The following PTPRD variants were observed in gnomAD, a reference collection of about 807,000 sequenced individuals.
PTPRD encodes the protein protein tyrosine phosphatase receptor type D.
In PTPRD, 34 loss-of-function variants were observed where a neutral mutation model predicts 214.5. The ratio of observed to expected loss-of-function variants is 0.16; its 90% CI spans 0.12 to 0.21. PTPRD has a LOEUF of 0.21. Ranked by LOEUF, PTPRD falls within the 10% of genes least tolerant of loss-of-function variation. The pLI is 1.00. For missense variants in PTPRD, 2,545 were observed against 2,398.7 expected (o/e 1.06, Z -1.27); for synonymous variants, 1,128 against 845.7 (o/e 1.33, Z -5.79).
At chr9:9,500,418 A>G (rs2096370009) in intron 8 of PTPRD, among the ~76,000 whole-genome samples, 1 of 152,090 alleles carries the variant, frequency 6.6e-6, no homozygotes, top group African/African-American at 2.4e-5. Context: ...AATTTTCCTG[A>G]TAGCAGTACA....
intron 2 of PTPRD, among the ~76,000 whole-genome samples, chr9:10,359,372 C>T (rs754288709): frequency 7.2e-5 from 11 of 152,098 alleles, no homozygotes; most frequent in Non-Finnish European, 1.5e-4. Flanking sequence ...CCCAGTTTTA[C>T]TCCCCAGTTG....
At chr9:9,016,423 T>C (rs1569415034) in intron 11 of PTPRD, among the ~76,000 whole-genome samples, 1 of 152,138 alleles carries the variant, frequency 6.6e-6, no homozygotes, top group Non-Finnish European at 1.5e-5. Context: ...ATGAGAATCA[T>C]CCAAAAATGG....
chr9:9,781,067 G>A (rs1279217470), intron 5 of PTPRD, among the ~76,000 whole-genome samples: 1 of 152,152 alleles, frequency 6.6e-6, no homozygotes, highest in African/African-American at 2.4e-5. Context: ...AGCACAGGGG[G>A]TTTTCAGGGC....
intron 5 of PTPRD, among the ~76,000 whole-genome samples, chr9:9,833,474 C>G (rs367597203): frequency 6.0e-5 from 9 of 150,684 alleles, no homozygotes; most frequent in African/African-American, 2.2e-4. Flanking sequence ...ACCACAGGAC[C>G]GAGGCGAAAT....
intron 2 of PTPRD, among the ~76,000 whole-genome samples, chr9:10,379,887 T>A (rs537360539): frequency 5.9e-5 from 9 of 152,068 alleles, no homozygotes; most frequent in Non-Finnish European, 1.2e-4. Flanking sequence ...AGTTAATGTA[T>A]TTTATTTCTA....
At chr9:8,622,200 C>T (rs1274011688) in intron 14 of PTPRD, among the ~76,000 whole-genome samples, 1 of 151,890 alleles carries the variant, frequency 6.6e-6, no homozygotes, top group Non-Finnish European at 1.5e-5. Context: ...AAGGTAATTA[C>T]TTAAGTTTTT....
chr9:10,018,534 A>ATTTT (rs1567125411), intron 4 of PTPRD, among the ~76,000 whole-genome samples: 2 of 63,724 alleles, frequency 3.1e-5, no homozygotes, highest in Admixed American at 1.8e-4. Context: ...TAAGAATTAC[A>ATTTT]TTTCTTTTTT....
intron 2 of PTPRD, among the ~76,000 whole-genome samples, chr9:10,356,363 A>G (rs890596078): frequency 6.6e-6 from 1 of 152,182 alleles, no homozygotes; most frequent in Non-Finnish European, 1.5e-5. Flanking sequence ...CTGAATAGAT[A>G]TTTCTCTCAA....
chr9:10,177,564 A>T (rs2099256738), intron 3 of PTPRD, among the ~76,000 whole-genome samples: 1 of 151,944 alleles, frequency 6.6e-6, no homozygotes, highest in South Asian at 2.1e-4. Context: ...GAGGAAAAAC[A>T]GATGAATTAG....
intron 3 of PTPRD, among the ~76,000 whole-genome samples, chr9:10,327,678 T>C (rs1448734284): frequency 6.6e-6 from 1 of 151,748 alleles, no homozygotes; most frequent in Admixed American, 6.6e-5. Context: ...ACCTCAGATT[T>C]ACAAGAAGTG....
chr9:10,431,910 A>C (rs959767760), intron 2 of PTPRD, among the ~76,000 whole-genome samples: 1 of 152,028 alleles, frequency 6.6e-6, no homozygotes, highest in Non-Finnish European at 1.5e-5. Flanking sequence ...TAGAAATACC[A>C]TTTGACCCAG....
In PTPRD at chr9:8,522,793, T is replaced by C. The variant is rs1370421045; in HGVS notation, c.691+720A>G. 5.9e-5 allele frequency among the ~76,000 whole-genome samples: 9 copies of C among 152,166 alleles called. No homozygotes were observed. In the East Asian group the frequency reaches 1.7e-3, roughly 29 times the overall value. On this transcript the variant is annotated intron_variant, in intron 19 of 45. Transcript: ENST00000381196. ...AATGTCATACCATAAGAATTTGAGA[T>C]CTAGAGGGTAATCTTTAGGGAGCAC...
intron 3 of PTPRD, among the ~76,000 whole-genome samples, chr9:10,082,239 T>C (rs754061614): frequency 4.6e-5 from 7 of 152,108 alleles, no homozygotes; most frequent in Non-Finnish European, 1.0e-4. Context: ...AAACATAGTG[T>C]TTGATTGATT....
intron 7 of PTPRD, among the ~76,000 whole-genome samples, chr9:9,653,962 C>G (rs1226390194): frequency 6.6e-6 from 1 of 151,800 alleles, no homozygotes; most frequent in Non-Finnish European, 1.5e-5. Flanking sequence ...TTTATTTTTG[C>G]TTTGATGTAG....
chr9:10,230,560 C>T (rs2099606007), intron 3 of PTPRD, among the ~76,000 whole-genome samples: 1 of 151,656 alleles, frequency 6.6e-6, no homozygotes, highest in Admixed American at 6.6e-5. Flanking sequence ...GTTCCTTGGA[C>T]CCTGAGATTT....
At chr9:9,984,551 T>G (rs1047247312) in intron 4 of PTPRD, among the ~76,000 whole-genome samples, 1 of 152,122 alleles carries the variant, frequency 6.6e-6, no homozygotes, top group African/African-American at 2.4e-5. Flanking sequence ...GGTGGGTGTA[T>G]GGGTACACAG....
At chr9:9,750,992 T>C (rs2098512530) in intron 6 of PTPRD, among the ~76,000 whole-genome samples, 1 of 152,064 alleles carries the variant, frequency 6.6e-6, no homozygotes, top group Non-Finnish European at 1.5e-5. Context: ...AGAAATCAAA[T>C]ACAGTGCCTA....
At chr9:10,382,681 C>A (rs367890524) in intron 2 of PTPRD, among the ~76,000 whole-genome samples, 74 of 151,924 alleles carry the variant, frequency 4.9e-4, no homozygotes, top group African/African-American at 1.6e-3. Context: ...TCATATTAAA[C>A]AGAATTCATA....
Position 8,494,190 on chromosome 9 carries a change from GT to G in PTPRD, c.2350-1212del, listed in dbSNP as rs370009200. Among the ~76,000 whole-genome samples the G allele has an allele frequency of 1.4e-3, 211 of 151,542 alleles. 7 individuals carry two copies. The East Asian group carries it at 0.03, about 21-fold the overall frequency. On this transcript the variant is annotated intron_variant, in intron 26 of 45. Transcript: ENST00000381196. ...AATTATATTGTGTGAAATACAGTAG[GT>G]TTTTTTTTAGCAAGGCTGTAACAGA...
Sources: allele counts gnomAD v4.1 joint callset (sites outside exome capture counted in the v4.1 genomes callset), GRCh38; gene constraint gnomAD v4.1.1; transcripts MANE v1.5; gene names NCBI Gene and HGNC (gene_info 2026-07-23, HGNC 2026-07-21).